The following USP14 variants were observed in gnomAD, a reference collection of about 807,000 sequenced individuals.
USP14 encodes the protein ubiquitin specific peptidase 14, also known as ubiquitin carboxyl-terminal hydrolase 14.
USP14 carries 38 observed loss-of-function variants against 76.5 expected under a neutral mutation model. The observed-to-expected ratio is 0.50, with a 90% confidence interval of 0.38 to 0.65. The LOEUF is 0.65. Among genes scored for constraint, USP14 ranks in the 30% least tolerant of loss-of-function variants. USP14 has a pLI of 0.00. For synonymous variants in USP14, 192 were observed against 191.7 expected, an observed-to-expected ratio of 1.00 and a Z score of -0.01; for missense variants, 467 against 586.5, an observed-to-expected ratio of 0.80 and a Z score of 2.10.
Position 214,605 on chromosome 18 carries a change from TAAAAA to T in USP14, c.*3322_*3326del, listed in dbSNP as rs767032854. Reference sequence around the variant, plus strand: ...GTAACAAAATCTATCACAGTTTTAATAAAAAGAAAAAAAAAAGAAGCTAACTATTT... The same window carrying T: ...GTAACAAAATCTATCACAGTTTTAATGAAAAAAAAAAGAAGCTAACTATTT... On this transcript the variant is annotated 3_prime_UTR_variant, in exon 16 of 16. Coordinates refer to ENST00000261601, the MANE Select transcript of USP14 (RefSeq NM_005151.4). The T allele has an allele frequency of 3.2e-6, 5 of 1,579,186 alleles. No homozygotes were observed. Among genetic ancestry groups the T allele is most frequent in the South Asian group, 1.2e-5 (1 of 85,234 alleles).
At chr18:204,731 A>C in intron 13 of USP14, 39 bp downstream of exon 13, 1 of 1,597,552 alleles carries the variant, frequency 6.3e-7, no homozygotes, top group African/African-American at 1.4e-5. Flanking sequence ...TTAATATCTT[A>C]ATCTCCCATC....
At chr18:174,257 C>T (rs1342639851) in intron 3 of USP14, among the ~76,000 whole-genome samples, 1 of 141,048 alleles carries the variant, frequency 7.1e-6, no homozygotes, top group Non-Finnish European at 1.5e-5. Flanking sequence ...AAGTATTTCA[C>T]GTTTTTCTTT....
intron 1 of USP14, among the ~76,000 whole-genome samples, chr18:162,443 G>A (rs150697196): frequency 1.3e-3 from 200 of 152,284 alleles, no homozygotes; most frequent in African/African-American, 4.7e-3. Context: ...ATTTAGATAT[G>A]TCTTTGGATT....
chr18:163,291 T>G lies in USP14; in HGVS notation c.17-17T>G, dbSNP rs1598261392. 2 of 1,582,680 alleles carry G rather than the reference T, an allele frequency of 1.3e-6. No homozygotes were observed. The highest frequency in any genetic ancestry group is 2.7e-5 in the African/African-American group (2 of 73,438). ...CTTGTTATTTTTTAATTAAAAAAAT[T>G]GTGATTTTGTTTGCAGTTACTGTAA... On this transcript the variant is annotated splice_polypyrimidine_tract_variant and intron_variant, in intron 1 of 15. Transcript: ENST00000261601.
intron 5 of USP14, among the ~76,000 whole-genome samples, chr18:192,134 A>T (rs1051301218): frequency 6.6e-6 from 1 of 152,250 alleles, no homozygotes; most frequent in Non-Finnish European, 1.5e-5. Flanking sequence ...CAGCAAGCTA[A>T]TGCTGAATGT....
At chr18:168,830 T>C (rs1050903800) in intron 3 of USP14, among the ~76,000 whole-genome samples, 2 of 151,208 alleles carry the variant, frequency 1.3e-5, no homozygotes, top group African/African-American at 4.9e-5. Context: ...CCCAGCACTT[T>C]GGGAGGCCGA....
chr18:211,080 T>G, intron 15 of USP14, 53 bp from the exon 16 acceptor site: 1 of 1,569,604 alleles, frequency 6.4e-7, no homozygotes, highest in South Asian at 1.2e-5. Flanking sequence ...GCAGTGGAAC[T>G]CTGAGACGAA....
intron 3 of USP14, among the ~76,000 whole-genome samples, chr18:171,025 A>AATATATATATATATATAGATATATAT (rs1909440236): frequency 6.3e-5 from 3 of 47,650 alleles, no homozygotes; most frequent in East Asian, 1.8e-3. Context: ...AAAAAAAAAA[A>AATATATATATATATATAGATATATAT]ATATATATAT....
At chr18:201,039 G>A (rs1434997876) in intron 10 of USP14, among the ~76,000 whole-genome samples, 1 of 152,156 alleles carries the variant, frequency 6.6e-6, no homozygotes, top group African/African-American at 2.4e-5. Flanking sequence ...CTGACCTTGT[G>A]ATCCGCCCAC....
chr18:166,862 C>A, intron 3 of USP14, 43 bp downstream of exon 3: 1 of 1,554,406 alleles, frequency 6.4e-7, no homozygotes. Flanking sequence ...GCAGTAACCT[C>A]ATTATGATAC....
At chr18:181,805 T>C (rs1909795693) in intron 5 of USP14, among the ~76,000 whole-genome samples, 1 of 152,186 alleles carries the variant, frequency 6.6e-6, no homozygotes, top group South Asian at 2.1e-4. Flanking sequence ...CATTGTCTAA[T>C]TCTAGGTTAC....
intron 5 of USP14, among the ~76,000 whole-genome samples, chr18:190,879 G>A (rs1182596688): frequency 6.6e-6 from 1 of 151,620 alleles, no homozygotes; most frequent in African/African-American, 2.4e-5. Context: ...CTTAATGGAT[G>A]GTTTTACATG....
At chr18:169,754 C>T (rs1385145200) in intron 3 of USP14, among the ~76,000 whole-genome samples, 1 of 152,138 alleles carries the variant, frequency 6.6e-6, no homozygotes, top group Non-Finnish European at 1.5e-5. Context: ...AGCCTATGTT[C>T]ACTTCATGTC....
intron 6 of USP14, among the ~76,000 whole-genome samples, chr18:196,223 C>CCCTT (rs1444906373): frequency 6.6e-6 from 1 of 151,860 alleles, no homozygotes; most frequent in Non-Finnish European, 1.5e-5. Context: ...ACTCGGGAGG[C>CCCTT]CCTTCTGTGT....
rs758840278 is a variant in USP14 at position 192,948 on chromosome 18, T to G, written c.463+48T>G. 1.1e-5 allele frequency: 16 copies of G among 1,512,206 alleles called. No individual in the cohort carries two copies. In the Admixed American group the frequency reaches 2.8e-4, roughly 26 times the overall value. 93.7% of individuals were successfully genotyped at this position (1,512,206 alleles called of 1,614,324 possible). On this transcript the variant is annotated intron_variant, in intron 6 of 15. Coordinates refer to ENST00000261601, the MANE Select transcript of USP14 (RefSeq NM_005151.4). ...TTTTTGATAGGAGTAAGACATTCTATTTTTCGCTCACAATCCTTTGCAGTT... is the reference window on the plus strand; with the variant it reads ...TTTTTGATAGGAGTAAGACATTCTAGTTTTCGCTCACAATCCTTTGCAGTT...
intron 6 of USP14, among the ~76,000 whole-genome samples, chr18:195,589 T>G (rs1488828480): frequency 6.6e-6 from 1 of 152,206 alleles, no homozygotes; most frequent in Non-Finnish European, 1.5e-5. Context: ...TTCATGCTGC[T>G]GAGAGGGGTA....
chr18:176,069 GT>G (rs1909617738), intron 3 of USP14, among the ~76,000 whole-genome samples: 1 of 150,320 alleles, frequency 6.7e-6, no homozygotes, highest in Non-Finnish European at 1.5e-5. Flanking sequence ...CTGCTTTTTC[GT>G]TTTCCTCTCT....
chr18:180,769 A>C (rs1411747089), intron 5 of USP14, among the ~76,000 whole-genome samples: 9 of 151,778 alleles, frequency 5.9e-5, no homozygotes, highest in Admixed American at 4.6e-4. Flanking sequence ...TTCCTATTTT[A>C]TGGCTGAATA....
At chr18:177,730 A>G (rs898726647) in intron 3 of USP14, among the ~76,000 whole-genome samples, 1 of 151,304 alleles carries the variant, frequency 6.6e-6, no homozygotes, top group Non-Finnish European at 1.5e-5. Context: ...AGAGAGTAAG[A>G]TGTTATTCAT....
Sources: allele counts gnomAD v4.1 joint callset (sites outside exome capture counted in the v4.1 genomes callset), GRCh38; gene constraint gnomAD v4.1.1; transcripts MANE v1.5; gene names NCBI Gene and HGNC (gene_info 2026-07-23, HGNC 2026-07-21).